UBOX5: variants seen among roughly 807,000 people sequenced by gnomAD.
UBOX5 encodes the protein RING finger protein 37.
Under a neutral mutation model 39.0 loss-of-function variants are expected in UBOX5, and 28 were observed. That is an observed-to-expected ratio of 0.72 (90% CI 0.53 to 0.98). The LOEUF (loss-of-function observed/expected upper bound fraction) is 0.98, where lower values mean the gene tolerates loss of function less well. Among genes scored for constraint, UBOX5 ranks in the 50% least tolerant of loss-of-function variants. The pLI is 0.00. For synonymous variants in UBOX5, 283 were observed against 275.5 expected (o/e 1.03, Z -0.27); for missense variants, 585 against 674.4 (o/e 0.87, Z 1.47).
intron 4 of UBOX5, among the ~76,000 whole-genome samples, chr20:3,113,155 C>T (rs1261300344): frequency 1.3e-5 from 2 of 149,850 alleles, no homozygotes; most frequent in African/African-American, 4.9e-5. Flanking sequence ...GGCTTGGTGG[C>T]GTTTGCCTGT....
At chr20:3,144,611 A>G (rs1240415390) in intron 1 of UBOX5, among the ~76,000 whole-genome samples, 1 of 152,206 alleles carries the variant, frequency 6.6e-6, no homozygotes, top group Non-Finnish European at 1.5e-5. Context: ...CAACTAAAGA[A>G]AAAATAATAA....
intron 1 of UBOX5, among the ~76,000 whole-genome samples, chr20:3,128,635 G>C (rs1194978736): frequency 6.6e-6 from 1 of 152,190 alleles, no homozygotes; most frequent in Non-Finnish European, 1.5e-5. Flanking sequence ...GTTAAGGTGA[G>C]AGGATCACTT....
In UBOX5 at chr20:3,112,328, C is replaced by G. The variant is rs142284760; in HGVS notation, c.1418-2014G>C. Among the ~76,000 whole-genome samples, 72 of 151,980 alleles carry G rather than the reference C, an allele frequency of 4.7e-4. 1 individual carries two copies. The highest frequency in any genetic ancestry group is 4.4e-3 in the Admixed American group (67 of 15,252). On this transcript the variant is annotated intron_variant, in intron 4 of 4. Transcript: ENST00000217173. ...TTTAAAAAGCACACCTGGCACAACA[C>G]CACAGAAGCATGCAAGGGCCCCAAT...
At position 3,109,970 on chromosome 20, in the gene UBOX5, G is replaced by A. The variant is rs770010582; in HGVS notation, c.*136C>T. On this transcript the variant is annotated 3_prime_UTR_variant, in exon 5 of 5. Coordinates refer to ENST00000217173, the MANE Select transcript of UBOX5 (RefSeq NM_014948.4). ...GAAGCAATGTGCTATACCGTGAGGT[G>A]ATGAAGAAGAGCCCCGGGAGGGAGC... 24 of 981,012 alleles carry A rather than the reference G, an allele frequency of 2.4e-5. No individual in the cohort carries two copies. The highest frequency in any genetic ancestry group is 3.7e-5 in the Non-Finnish European group (24 of 653,886). The allele number at this position is 981,012 out of a possible 1,614,324, so 60.8% of individuals were successfully genotyped here.
At chr20:3,132,930 T>C (rs1192733985) in intron 1 of UBOX5, among the ~76,000 whole-genome samples, 1 of 150,700 alleles carries the variant, frequency 6.6e-6, no homozygotes, top group Admixed American at 6.6e-5. Context: ...AAGGCTAGCC[T>C]GGGCAACATA....
chr20:3,140,134 G>A (rs536046423), intron 1 of UBOX5, among the ~76,000 whole-genome samples: 37 of 144,762 alleles, frequency 2.6e-4, no homozygotes, highest in African/African-American at 9.2e-4. Flanking sequence ...CGATTGTCCT[G>A]TCTCAGCCTC....
intron 1 of UBOX5, among the ~76,000 whole-genome samples, chr20:3,150,221 A>G (rs2066610810): frequency 6.6e-6 from 1 of 152,148 alleles, no homozygotes; most frequent in South Asian, 2.1e-4. Flanking sequence ...GTGTTATTAG[A>G]AAGTATACTA....
chr20:3,118,463 C>T (rs1028400020), intron 3 of UBOX5, among the ~76,000 whole-genome samples: 13 of 151,726 alleles, frequency 8.6e-5, no homozygotes, highest in Admixed American at 2.6e-4. Flanking sequence ...CAGAGTGAGA[C>T]TCTGCCTCAT....
Position 3,131,771 on chromosome 20 carries a change from G to A in UBOX5, c.-41-8365C>T, listed in dbSNP as rs186184291. 1.7e-3 allele frequency among the ~76,000 whole-genome samples: 256 copies of A among 152,280 alleles called. 3 individuals are homozygous for A. Among genetic ancestry groups the A allele is most frequent in the East Asian group, 4.8e-3 (25 of 5,182 alleles). On this transcript the variant is annotated intron_variant, in intron 1 of 4. Transcript: ENST00000217173. ...CGCCTATAATCCCAGCACTTTGGGA[G>A]GCAAAGGCGGGCAAAGCACTTGAGG... is the stretch of plus-strand genomic sequence containing the variant.
At chr20:3,116,034 C>T (rs556782259) in intron 3 of UBOX5, among the ~76,000 whole-genome samples, 5 of 152,218 alleles carry the variant, frequency 3.3e-5, no homozygotes, top group South Asian at 2.1e-4. Context: ...GGATTACAGG[C>T]GTGAGCCACA....
intron 1 of UBOX5, among the ~76,000 whole-genome samples, chr20:3,152,349 TGGGCGCCTGCAATTGCAGCTG>T (rs2066638008): frequency 2.0e-5 from 3 of 151,302 alleles, no homozygotes; most frequent in South Asian, 2.1e-4. Flanking sequence ...GGCGTGGTGG[TGGGCGCCTGCAATTGCAGCTG>T]GGGCACCTGC....
At chr20:3,126,307 C>T (rs1446477027) in intron 1 of UBOX5, among the ~76,000 whole-genome samples, 1 of 151,932 alleles carries the variant, frequency 6.6e-6, no homozygotes, top group Non-Finnish European at 1.5e-5. Flanking sequence ...TGCTTGAAGG[C>T]AGCATGCTCG....
At chr20:3,126,012 G>A (rs558564940) in intron 1 of UBOX5, among the ~76,000 whole-genome samples, 59 of 152,358 alleles carry the variant, frequency 3.9e-4, no homozygotes, top group South Asian at 3.1e-3. Context: ...CAATAGCTCC[G>A]AAGAGACAGC....
chr20:3,108,968 A>T lies in UBOX5; in HGVS notation c.*1138T>A, dbSNP rs963012397. On this transcript the variant is annotated 3_prime_UTR_variant, in exon 5 of 5. Coordinates refer to ENST00000217173, the MANE Select transcript of UBOX5 (RefSeq NM_014948.4). Reference sequence around the variant, plus strand: ...AAAAAAAAAAAAGCAACTAACCCCAAACCCAGATCTCTAAAGTATTGGGTG... The same window carrying T: ...AAAAAAAAAAAAGCAACTAACCCCATACCCAGATCTCTAAAGTATTGGGTG... 3 of 151,452 alleles carry T rather than the reference A, an allele frequency of 2.0e-5. No individual in the cohort carries two copies. The highest frequency in any genetic ancestry group is 7.3e-5 in the African/African-American group (3 of 41,234). 9.4% of individuals were successfully genotyped at this position (151,452 alleles called of 1,614,324 possible).
intron 1 of UBOX5, among the ~76,000 whole-genome samples, chr20:3,155,830 A>G (rs1413219105): frequency 1.3e-5 from 2 of 152,242 alleles, no homozygotes; most frequent in African/African-American, 2.4e-5. Context: ...AGGCATGAAG[A>G]GCCAACCTAC....
chr20:3,121,350 T>C (rs779481176), intron 3 of UBOX5, 34 bp downstream of exon 3: 2 of 1,575,752 alleles, frequency 1.3e-6, no homozygotes, highest in Non-Finnish European at 1.7e-6. Context: ...AGGAGATGGA[T>C]GAGCCTGGCT....
intron 1 of UBOX5, among the ~76,000 whole-genome samples, chr20:3,142,754 C>G (rs1366310952): frequency 5.4e-5 from 6 of 110,204 alleles, no homozygotes; most frequent in Non-Finnish European, 3.4e-5. Context: ...GCCTGGGCGA[C>G]AGAGAGAAAC....
Position 3,146,992 on chromosome 20 carries a change from T to C in UBOX5, c.-42+12774A>G, listed in dbSNP as rs375590604. ...TGAACTGAACAGCCAGCTTCATTCT[T>C]GGGGTCTGCATGCAGGCTGCGGGGC... On this transcript the variant is annotated intron_variant, in intron 1 of 4. Coordinates refer to ENST00000217173, the MANE Select transcript of UBOX5 (RefSeq NM_014948.4). 6 of 1,614,058 alleles carry C rather than the reference T, an allele frequency of 3.7e-6. No homozygotes were observed. The African/African-American group carries it at 5.3e-5, about 14-fold the overall frequency.
At chr20:3,157,994 C>G (rs549909732) in intron 1 of UBOX5, among the ~76,000 whole-genome samples, 1 of 152,076 alleles carries the variant, frequency 6.6e-6, no homozygotes, top group African/African-American at 2.4e-5. Flanking sequence ...CACTGCCCCC[C>G]ACCTCTCACC....
Sources: gnomAD v4.1 joint callset for allele counts (sites outside exome capture counted in the v4.1 genomes callset) on GRCh38, gnomAD v4.1.1 for gene constraint, MANE v1.5 for transcripts, NCBI Gene and HGNC (gene_info 2026-07-23, HGNC 2026-07-21) for gene names.